The following PRKN variants were observed in gnomAD, a reference collection of about 807,000 sequenced individuals.
PRKN encodes E3 ubiquitin-protein ligase parkin.
Under a neutral mutation model 59.5 loss-of-function variants are expected in PRKN, and 56 were observed. That is an observed-to-expected ratio of 0.94 (90% CI 0.76 to 1.18). The LOEUF (loss-of-function observed/expected upper bound fraction) is 1.18, where lower values mean the gene tolerates loss of function less well. Ranked by LOEUF, PRKN falls within the 50% of genes most tolerant of loss-of-function variation. The pLI is 0.00. For missense variants in PRKN, 657 were observed against 596.4 expected, an observed-to-expected ratio of 1.10 and a Z score of -1.06; for synonymous variants, 250 against 222.1, an observed-to-expected ratio of 1.13 and a Z score of -1.12.
At chr6:162,517,329 G>C (rs1285780296) in intron 1 of PRKN, among the ~76,000 whole-genome samples, 2 of 150,970 alleles carry the variant, frequency 1.3e-5, no homozygotes, top group Non-Finnish European at 3.0e-5. Context: ...CTCACTGCAA[G>C]GTCTGTCTCC....
chr6:161,590,503 C>T (rs965203749), intron 7 of PRKN, among the ~76,000 whole-genome samples: 5 of 151,908 alleles, frequency 3.3e-5, no homozygotes, highest in East Asian at 1.9e-4. Context: ...GAGGCTGAGG[C>T]GGGCCGATCA....
At chr6:161,659,898 T>G (rs567533528) in intron 7 of PRKN, among the ~76,000 whole-genome samples, 7 of 152,260 alleles carry the variant, frequency 4.6e-5, no homozygotes, top group South Asian at 2.1e-4. Context: ...GACAGAGATG[T>G]GTTATCTAAA....
At chr6:161,876,456 C>T (rs1235838110) in intron 6 of PRKN, among the ~76,000 whole-genome samples, 2 of 152,086 alleles carry the variant, frequency 1.3e-5, no homozygotes, top group African/African-American at 2.4e-5. Context: ...TGACTACAGG[C>T]GCATGCCGTC....
intron 4 of PRKN, among the ~76,000 whole-genome samples, chr6:162,152,077 T>G (rs958842028): frequency 1.3e-5 from 2 of 152,212 alleles, no homozygotes; most frequent in African/African-American, 4.8e-5. Flanking sequence ...CACTTTTTAC[T>G]AAGACATAAC....
chr6:162,065,933 G>A (rs1037719438), intron 4 of PRKN, among the ~76,000 whole-genome samples: 1 of 152,156 alleles, frequency 6.6e-6, no homozygotes, highest in South Asian at 2.1e-4. Flanking sequence ...GAATTCCATG[G>A]TGTATATGTG....
At chr6:162,581,470 T>C (rs1000570048) in intron 1 of PRKN, among the ~76,000 whole-genome samples, 3 of 152,090 alleles carry the variant, frequency 2.0e-5, no homozygotes, top group Non-Finnish European at 4.4e-5. Flanking sequence ...AAGACAAATA[T>C]TTAACTTAGG....
At chr6:162,493,788 C>A (rs1792929441) in intron 1 of PRKN, among the ~76,000 whole-genome samples, 1 of 152,146 alleles carries the variant, frequency 6.6e-6, no homozygotes, top group African/African-American at 2.4e-5. Context: ...ACTGATAACC[C>A]CACACCATCT....
At chr6:162,693,987 C>T (rs1421358554) in intron 1 of PRKN, among the ~76,000 whole-genome samples, 2 of 152,024 alleles carry the variant, frequency 1.3e-5, no homozygotes, top group Non-Finnish European at 2.9e-5. Flanking sequence ...GTGGCTCATG[C>T]CTGTAATCCC....
chr6:162,498,392 CCTTT>C (rs1263728959), intron 1 of PRKN, among the ~76,000 whole-genome samples: 1 of 39,338 alleles, frequency 2.5e-5, no homozygotes, highest in Non-Finnish European at 6.2e-5. Flanking sequence ...TTCTTTCTTT[CCTTT>C]TTTTTTTTTT....
chr6:161,759,260 A>G (rs2128197823), intron 7 of PRKN, among the ~76,000 whole-genome samples: 1 of 152,272 alleles, frequency 6.6e-6, no homozygotes, highest in East Asian at 1.9e-4. Flanking sequence ...TCAGGATGGC[A>G]AGCATTTTAA....
At chr6:162,366,563 T>C (rs941866764) in intron 2 of PRKN, among the ~76,000 whole-genome samples, 1 of 152,160 alleles carries the variant, frequency 6.6e-6, no homozygotes, top group African/African-American at 2.4e-5. Context: ...TAAAGGTGTG[T>C]TAATAGAAAT....
chr6:162,210,247 G>T (rs1785149957), intron 3 of PRKN, among the ~76,000 whole-genome samples: 1 of 152,052 alleles, frequency 6.6e-6, no homozygotes, highest in East Asian at 1.9e-4. Flanking sequence ...GCAATTATAT[G>T]TCTACTATTA....
chr6:161,416,480 A>T (rs1364334634), intron 9 of PRKN, among the ~76,000 whole-genome samples: 1 of 152,086 alleles, frequency 6.6e-6, no homozygotes, highest in Non-Finnish European at 1.5e-5. Flanking sequence ...AATGAGGCAT[A>T]TATTTGCTAA....
At chr6:162,274,711 C>G (rs530504068) in intron 2 of PRKN, among the ~76,000 whole-genome samples, 2 of 152,248 alleles carry the variant, frequency 1.3e-5, no homozygotes, top group African/African-American at 2.4e-5. Flanking sequence ...TGTAGAATTT[C>G]TCATAATCTA....
intron 1 of PRKN, among the ~76,000 whole-genome samples, chr6:162,492,455 C>T (rs796534452): frequency 4.1e-4 from 63 of 152,088 alleles, no homozygotes; most frequent in African/African-American, 1.4e-3. Context: ...GGCTCTTTAT[C>T]GAGGAAAGAA....
chr6:162,591,865 T>C (rs1397856947), intron 1 of PRKN, among the ~76,000 whole-genome samples: 1 of 151,538 alleles, frequency 6.6e-6, no homozygotes, highest in Non-Finnish European at 1.5e-5. Flanking sequence ...CTGACCCACA[T>C]TCAAATTCCT....
chr6:162,467,597 ATC>A (rs1417438496), intron 1 of PRKN, among the ~76,000 whole-genome samples: 1 of 152,116 alleles, frequency 6.6e-6, no homozygotes, highest in African/African-American at 2.4e-5. Context: ...CGTGACCATT[ATC>A]TGTCTTTTGA....
At chr6:162,547,562 A>G (rs1051622166) in intron 1 of PRKN, among the ~76,000 whole-genome samples, 2 of 137,228 alleles carry the variant, frequency 1.5e-5, no homozygotes, top group Non-Finnish European at 3.4e-5. Context: ...AGCGCTCCCA[A>G]TGTCACAGTT....
At chr6:161,955,035 G>A (rs1466893366) in intron 6 of PRKN, among the ~76,000 whole-genome samples, 1 of 152,144 alleles carries the variant, frequency 6.6e-6, no homozygotes, top group East Asian at 1.9e-4. Context: ...AGAGGAACAG[G>A]AGAGTTTGGA....
Sources: allele counts gnomAD v4.1 joint callset (sites outside exome capture counted in the v4.1 genomes callset), GRCh38; gene constraint gnomAD v4.1.1; transcripts MANE v1.5; gene names NCBI Gene and HGNC (gene_info 2026-07-23, HGNC 2026-07-21).